The following PSMA4 variants were observed in gnomAD, a reference collection of about 807,000 sequenced individuals.
PSMA4 encodes the protein proteasome subunit alpha type-4.
PSMA4 carries 8 observed loss-of-function variants against 37.2 expected under a neutral mutation model. The observed-to-expected ratio is 0.22, with a 90% confidence interval of 0.13 to 0.39. The LOEUF (loss-of-function observed/expected upper bound fraction) is 0.39. PSMA4 is among the 10% of genes least tolerant of loss of function. The pLI is 1.00. For synonymous variants in PSMA4, 93 were observed against 98.8 expected, an observed-to-expected ratio of 0.94 and a Z score of 0.35; for missense variants, 169 against 305.1, an observed-to-expected ratio of 0.55 and a Z score of 3.32.
chr15:78,541,684 C>G (rs1435787350), intron 1 of PSMA4: 1 of 517,494 alleles, frequency 1.9e-6, no homozygotes, highest in Admixed American at 3.8e-5. Context: ...CCCCCGGTTC[C>G]TCTTTCCACA....
At chr15:78,542,734 G>T (rs530772336) in intron 4 of PSMA4, 89 bp downstream of exon 4, 11 of 1,239,506 alleles carry the variant, frequency 8.9e-6, no homozygotes, top group Admixed American at 2.4e-5. Flanking sequence ...TCTTCCGTGC[G>T]ATGTGGTAGA....
intron 8 of PSMA4, among the ~76,000 whole-genome samples, chr15:78,547,599 G>C (rs979363763): frequency 2.6e-5 from 4 of 152,186 alleles, no homozygotes; most frequent in African/African-American, 9.6e-5. Context: ...ACTTTGGGAG[G>C]CTGAGGTGGG....
chr15:78,542,321 C>G, intron 3 of PSMA4, 102 bp downstream of exon 3: 1 of 1,398,798 alleles, frequency 7.1e-7, no homozygotes, highest in East Asian at 2.3e-5. Context: ...CAAAGTTCAT[C>G]CTTTTTGTAC....
At chr15:78,542,823 A>G in intron 4 of PSMA4, 178 bp downstream of exon 4, 1 of 604,900 alleles carries the variant, frequency 1.7e-6, no homozygotes, top group Non-Finnish European at 2.9e-6. Flanking sequence ...GTGCAGGGCA[A>G]ACACTTAGTG....
At chr15:78,541,029 A>G (rs1457833158) in intron 1 of PSMA4, 1 of 152,196 alleles carries the variant, frequency 6.6e-6, no homozygotes, top group South Asian at 2.1e-4. Flanking sequence ...AATTACCTCA[A>G]CCAGTTCGCT....
In PSMA4 at chr15:78,541,915, A is replaced by C. The variant is rs200532673; in HGVS notation, c.-13A>C. 43 of 1,590,576 alleles carry C rather than the reference A, an allele frequency of 2.7e-5. No individual in the cohort carries two copies. The highest frequency in any genetic ancestry group is 4.3e-6 in the Non-Finnish European group (5 of 1,162,122). On this transcript the variant is annotated 5_prime_UTR_variant, in exon 2 of 9. Transcript: ENST00000044462. ...ATTTTCTTTTTACAGGAACTATATA[A>C]AGTTCAGAAAACATGGTGAGTTAAT...
At position 78,548,877 on chromosome 15, in the gene PSMA4, A is replaced by ACT. The variant is rs1379130980; in HGVS notation, c.719_720insCT (p.Glu241LeufsTer59). ...GAAGTGGAGCAGTTGATCAAAAAAC[A>ACT]TGAGGAAGAAGAAGCCAAAGCTGAG... On this transcript the variant is annotated frameshift_variant, in exon 9 of 9. Coordinates refer to ENST00000044462, the MANE Select transcript of PSMA4 (RefSeq NM_002789.6). LOFTEE classifies it high-confidence loss of function. 1 of 1,613,686 alleles carries ACT rather than the reference A, an allele frequency of 6.2e-7. No individual in the cohort carries two copies. Among genetic ancestry groups the ACT allele is most frequent in the Admixed American group, 1.7e-5 (1 of 59,964 alleles).
chr15:78,548,731 T>G (rs2052599912), intron 8 of PSMA4, 59 bp from the exon 9 acceptor site: 1 of 1,558,608 alleles, frequency 6.4e-7, no homozygotes, highest in Non-Finnish European at 8.6e-7. Flanking sequence ...CTATTAAGCT[T>G]CTCTGCTAAG....
Position 78,552,016 on chromosome 15 carries a change from C to T in PSMA4, c.*3072C>T, listed in dbSNP as rs1460682854. ...CAAAAGATAGGAGGTGAGGCAAAAG[C>T]TACTCTTTAACTGTGAGTTTTTTTT... On this transcript the variant is annotated 3_prime_UTR_variant, in exon 9 of 9. Transcript: ENST00000044462. The T allele has an allele frequency of 6.6e-6, 1 of 152,192 alleles. No homozygotes were observed. The highest frequency in any genetic ancestry group is 1.9e-4 in the East Asian group (1 of 5,198). The allele number at this position is 152,192 out of a possible 1,614,324, so 9.4% of individuals were successfully genotyped here.
At chr15:78,545,859 G>T (rs945244211) in intron 7 of PSMA4, 95 bp downstream of exon 7, 1 of 1,322,212 alleles carries the variant, frequency 7.6e-7, no homozygotes, top group Non-Finnish European at 1.1e-6. Context: ...TTTTAAGATA[G>T]CTGCAACAAC....
In PSMA4 at chr15:78,546,586, A is replaced by G. The variant is rs772366494; in HGVS notation, c.519A>G (p.Ser173=). ...TTCATGTTTTATAGGCAGCTGTGTC[A>G]ATGTTGAAACAAGACTATAAAGAAG... is the stretch of plus-strand genomic sequence containing the variant. The part of the protein sequence containing the change: ...CIGNNSAAAV[S]MLKQDYKEGE... The change falls in exon 8 of 9, where the codon TCA becomes TCG. Residue 173 remains serine, a synonymous_variant. Transcript: ENST00000044462. 1.3e-6 allele frequency: 2 copies of G among 1,584,760 alleles called. No individual in the cohort carries two copies. The highest frequency in any genetic ancestry group is 1.2e-5 in the South Asian group (1 of 85,128).
At chr15:78,547,172 G>GAGGTTA (rs1166765666) in intron 8 of PSMA4, among the ~76,000 whole-genome samples, 4 of 152,196 alleles carry the variant, frequency 2.6e-5, no homozygotes, top group Non-Finnish European at 5.9e-5. Context: ...AGGGCTTAAT[G>GAGGTTA]AGGTTAAGTG....
rs1596041196 is a variant in PSMA4 at position 78,542,116 on chromosome 15, G to A, written c.4-61G>A. On this transcript the variant is annotated intron_variant, in intron 2 of 8. Coordinates refer to ENST00000044462, the MANE Select transcript of PSMA4 (RefSeq NM_002789.6). The stretch of plus-strand genomic sequence containing the variant: ...ATAGGTTTTGTAAGATCATTTGTAG[G>A]CTTGCAGGAGTTGGCCTACTTTCAG... 1.9e-6 allele frequency: 3 copies of A among 1,542,012 alleles called. No individual in the cohort carries two copies. In the East Asian group the frequency reaches 6.7e-5, roughly 35 times the overall value.
At position 78,541,892 on chromosome 15, in the gene PSMA4, TTTC is replaced by T; in HGVS notation, c.-23-10_-23-8del. 4.5e-6 allele frequency: 7 copies of T among 1,559,706 alleles called. No homozygotes were observed. The highest frequency in any genetic ancestry group is 3.5e-6 in the Non-Finnish European group (4 of 1,133,218). On this transcript the variant is annotated splice_polypyrimidine_tract_variant and intron_variant, in intron 1 of 8. Coordinates refer to ENST00000044462, the MANE Select transcript of PSMA4 (RefSeq NM_002789.6). ...AATCTTATTTTAATGATGATCTGAT[TTTC>T]TTTTTACAGGAACTATATAAAGTTC...
intron 2 of PSMA4, 113 bp downstream of exon 2, chr15:78,542,043 CT>C: frequency 1.4e-6 from 2 of 1,469,890 alleles, no homozygotes; most frequent in South Asian, 2.4e-5. Flanking sequence ...GAGAAGGTGC[CT>C]TTTTTCTTGT....
At chr15:78,548,085 A>G (rs1394924983) in intron 8 of PSMA4, among the ~76,000 whole-genome samples, 1 of 152,032 alleles carries the variant, frequency 6.6e-6, no homozygotes, top group Non-Finnish European at 1.5e-5. Flanking sequence ...ACAAAAAATT[A>G]GCCGGGCGTG....
At chr15:78,547,374 G>T (rs546744361) in intron 8 of PSMA4, among the ~76,000 whole-genome samples, 1 of 152,176 alleles carries the variant, frequency 6.6e-6, no homozygotes, top group African/African-American at 2.4e-5. Context: ...TAAAGCATAC[G>T]TATGTAGTTA....
chr15:78,548,948 CAG>C lies in PSMA4; in HGVS notation c.*8_*9del, dbSNP rs762062688. On this transcript the variant is annotated 3_prime_UTR_variant, in exon 9 of 9. Transcript: ENST00000044462. Reference sequence around the variant, plus strand: ...ACAGAAAGAAAAGGATAAATAGAATCAGAGATTTTATTACTCATTTGGGGCAC... The same window carrying C: ...ACAGAAAGAAAAGGATAAATAGAATCAGATTTTATTACTCATTTGGGGCAC... 4.1e-5 allele frequency: 66 copies of C among 1,600,828 alleles called. No individual in the cohort carries two copies. In the Admixed American group the frequency reaches 1.1e-3, roughly 26 times the overall value.
intron 4 of PSMA4, 155 bp from the exon 5 acceptor site, chr15:78,544,035 A>T: frequency 1.7e-6 from 1 of 574,446 alleles, no homozygotes; most frequent in Non-Finnish European, 3.1e-6. Context: ...AACATCTCCT[A>T]CAAAGATAAA....
Sources: gnomAD v4.1 joint callset for allele counts (sites outside exome capture counted in the v4.1 genomes callset) on GRCh38, gnomAD v4.1.1 for gene constraint, MANE v1.5 for transcripts, NCBI Gene and HGNC (gene_info 2026-07-23, HGNC 2026-07-21) for gene names.